The following SAMD5 variants were observed in gnomAD, a reference collection of about 807,000 sequenced individuals.
SAMD5 encodes the protein sterile alpha motif domain-containing protein 5.
A neutral mutation model predicts 11.3 loss-of-function variants in SAMD5; 13 were observed. The ratio of observed to expected loss-of-function variants is 1.15; its 90% CI spans 0.75 to 1.83. SAMD5 has a LOEUF of 1.83. Ranked by LOEUF, SAMD5 falls within the 40% of genes most tolerant of loss-of-function variation. The pLI is 0.00. For synonymous variants in SAMD5, 129 were observed against 111.3 expected, an observed-to-expected ratio of 1.16 and a Z score of -1.00; for missense variants, 255 against 239.1, an observed-to-expected ratio of 1.07 and a Z score of -0.44.
intron 1 of SAMD5, among the ~76,000 whole-genome samples, chr6:147,700,782 A>G (rs1015069969): frequency 2.6e-5 from 4 of 152,256 alleles, no homozygotes; most frequent in African/African-American, 9.6e-5. Context: ...ATTAGGAAGG[A>G]TAAGGGCAAA....
chr6:147,811,076 A>G, the SAMD5 span, among the ~76,000 whole-genome samples: 1 of 152,228 alleles, frequency 6.6e-6, no homozygotes, highest in Non-Finnish European at 1.5e-5. Flanking sequence ...AAAAACTGGG[A>G]TAATAATAAC....
intron 1 of SAMD5, among the ~76,000 whole-genome samples, chr6:147,530,431 G>T (rs1788411269): frequency 6.6e-6 from 1 of 152,202 alleles, no homozygotes; most frequent in East Asian, 1.9e-4. Context: ...TCAGTGATAG[G>T]GCATGTCAAT....
intron 1 of SAMD5, among the ~76,000 whole-genome samples, chr6:147,662,418 T>G (rs1236489735): frequency 6.6e-6 from 1 of 152,180 alleles, no homozygotes; most frequent in Non-Finnish European, 1.5e-5. Flanking sequence ...AAAATGGAAA[T>G]GAATGAGGAA....
At chr6:147,511,985 T>A (rs1054121670) in intron 1 of SAMD5, among the ~76,000 whole-genome samples, 3 of 152,214 alleles carry the variant, frequency 2.0e-5, no homozygotes, top group Non-Finnish European at 4.4e-5. Flanking sequence ...AGATGGAGTC[T>A]CATTCTGTTG....
At chr6:147,697,489 T>C (rs1300702371) in intron 1 of SAMD5, among the ~76,000 whole-genome samples, 4 of 152,200 alleles carry the variant, frequency 2.6e-5, no homozygotes, top group Admixed American at 2.6e-4. Context: ...TAATCAAACC[T>C]CAGATTTATC....
At chr6:147,511,275 A>G (rs1317376007) in intron 1 of SAMD5, among the ~76,000 whole-genome samples, 1 of 152,256 alleles carries the variant, frequency 6.6e-6, no homozygotes, top group South Asian at 2.1e-4. Flanking sequence ...CATATCAAAC[A>G]TAGAGGCTGG....
the SAMD5 span, among the ~76,000 whole-genome samples, chr6:147,844,005 A>G: frequency 6.6e-6 from 1 of 152,206 alleles, no homozygotes; most frequent in African/African-American, 2.4e-5. Context: ...ATTGCAGCAA[A>G]CTAAAAAGCT....
the SAMD5 span, among the ~76,000 whole-genome samples, chr6:147,797,812 G>T: frequency 6.7e-6 from 1 of 148,716 alleles, no homozygotes; most frequent in Non-Finnish European, 1.5e-5. Flanking sequence ...TGTATGTGTC[G>T]AGGAATGTAT....
chr6:147,636,911 A>C (rs1790238239), intron 1 of SAMD5, among the ~76,000 whole-genome samples: 1 of 112,542 alleles, frequency 8.9e-6, no homozygotes, highest in Non-Finnish European at 2.2e-5. Flanking sequence ...AATAGACTTA[A>C]GGAATTTTTT....
At chr6:147,573,496 C>G (rs1789168911), downstream of SAMD5, among the ~76,000 whole-genome samples, 1 of 152,192 alleles carries the variant, frequency 6.6e-6, no homozygotes, top group African/African-American at 2.4e-5. Context: ...TGAGGTCCCT[C>G]CCTTGACACA....
At chr6:147,870,461 T>C in the SAMD5 span, among the ~76,000 whole-genome samples, 2 of 123,728 alleles carry the variant, frequency 1.6e-5, no homozygotes, top group Non-Finnish European at 3.5e-5. Context: ...TGTGTGTGTG[T>C]GTGTGTGTGT....
chr6:147,710,350 G>A (rs1001789212), intron 1 of SAMD5, among the ~76,000 whole-genome samples: 1 of 152,208 alleles, frequency 6.6e-6, no homozygotes, highest in Non-Finnish European at 1.5e-5. Flanking sequence ...ATGGTTAACT[G>A]TGGTCCAAAA....
the SAMD5 span, among the ~76,000 whole-genome samples, chr6:147,936,322 G>T: frequency 1.3e-5 from 2 of 151,994 alleles, no homozygotes; most frequent in Non-Finnish European, 2.9e-5. Flanking sequence ...GGTTCTGCAG[G>T]TTGTACAGGA....
At chr6:147,672,003 C>G (rs1313752370) in intron 1 of SAMD5, among the ~76,000 whole-genome samples, 3 of 146,720 alleles carry the variant, frequency 2.0e-5, no homozygotes, top group African/African-American at 7.6e-5. Context: ...TTGTTGCAGT[C>G]TGCATTGAAT....
chr6:147,736,225 T>A (rs1342629946), intron 1 of SAMD5, among the ~76,000 whole-genome samples: 1 of 152,230 alleles, frequency 6.6e-6, no homozygotes, highest in Non-Finnish European at 1.5e-5. Flanking sequence ...TTGCACAGAC[T>A]AAGCGAGTTG....
chr6:147,839,244 GT>G, the SAMD5 span, among the ~76,000 whole-genome samples: 4 of 152,090 alleles, frequency 2.6e-5, no homozygotes, highest in South Asian at 6.2e-4. Flanking sequence ...TTTTCTCATC[GT>G]CTTGAGACCC....
intron 1 of SAMD5, among the ~76,000 whole-genome samples, chr6:147,684,021 C>T (rs1790975105): frequency 6.6e-6 from 1 of 152,120 alleles, no homozygotes; most frequent in Admixed American, 6.5e-5. Context: ...ACATCTTGAT[C>T]AGTTATCACA....
the SAMD5 span, among the ~76,000 whole-genome samples, chr6:147,849,359 A>T: frequency 3.5e-3 from 528 of 151,730 alleles, no homozygotes; most frequent in African/African-American, 5.9e-3. Flanking sequence ...TGCTTTAAAA[A>T]TTTTTTTTTA....
chr6:147,632,079 G>T (rs897565107), intron 1 of SAMD5, among the ~76,000 whole-genome samples: 2 of 152,138 alleles, frequency 1.3e-5, no homozygotes, highest in African/African-American at 2.4e-5. Context: ...GGGAGTGACC[G>T]ATGAGAAGGA....
Sources: gnomAD v4.1 joint callset for allele counts (sites outside exome capture counted in the v4.1 genomes callset) on GRCh38, gnomAD v4.1.1 for gene constraint, MANE v1.5 for transcripts, NCBI Gene and HGNC (gene_info 2026-07-23, HGNC 2026-07-21) for gene names.